Variants in C1orf94 observed in about 807,000 individuals in gnomAD.
The protein encoded by C1orf94 is uncharacterized protein C1orf94.
A neutral mutation model predicts 53.6 loss-of-function variants in C1orf94; 45 were observed. The observed-to-expected ratio is 0.84, with a 90% confidence interval of 0.66 to 1.08. The LOEUF is 1.08. C1orf94 is among the 50% of genes least tolerant of loss of function. C1orf94 has a pLI of 0.00. For synonymous variants in C1orf94, 304 were observed against 296.1 expected, an observed-to-expected ratio of 1.03 and a Z score of -0.27; for missense variants, 762 against 738.9, an observed-to-expected ratio of 1.03 and a Z score of -0.36.
chr1:34,182,399 G>T (rs572263764), intron 1 of C1orf94, among the ~76,000 whole-genome samples: 1 of 152,250 alleles, frequency 6.6e-6, no homozygotes, highest in South Asian at 2.1e-4. Flanking sequence ...GAACACTTTT[G>T]CAGGTTTTTA....
rs1043325617 is a variant in C1orf94, at chr1:34,178,192, T to C, written c.320+83T>C. On this transcript the variant is annotated intron_variant, in intron 1 of 6. Transcript: ENST00000488417. ...CTTCTGGGGGAATGTTCTGGCCCAC[T>C]GTTGAGGCTGGTGAAACCCTAAAGG... 3.6e-6 allele frequency: 5 copies of C among 1,398,840 alleles called. No individual in the cohort carries two copies. In the African/African-American group the frequency reaches 4.3e-5, roughly 12 times the overall value. The allele number at this position is 1,398,840 out of a possible 1,614,324, so 86.7% of individuals were successfully genotyped here.
intron 4 of C1orf94, among the ~76,000 whole-genome samples, chr1:34,205,735 G>A (rs1367875061): frequency 6.6e-6 from 1 of 152,148 alleles, no homozygotes; most frequent in Non-Finnish European, 1.5e-5. Flanking sequence ...GTCTAGCCTG[G>A]TCTTTTCCCT....
Position 34,177,847 on chromosome 1 carries a change from G to C in C1orf94, c.58G>C (p.Glu20Gln). ...ALGGQRGFQK[E>Q]RRRMASGNGL... ...GGGTGGACAGAGGGGCTTCCAGAAA[G>C]AGAGGAGGAGGATGGCCAGCGGGAA... is the stretch of plus-strand genomic sequence containing the variant. The change falls in exon 1 of 7, where the codon GAG (glutamate) becomes CAG (glutamine). Residue 20 changes from glutamate to glutamine, a missense_variant. Physicochemically the swap from Glu to Gln is conservative, Grantham distance 29 (BLOSUM62 2). Coordinates refer to ENST00000488417, the MANE Select transcript of C1orf94 (RefSeq NM_001134734.2). The C allele has an allele frequency of 6.4e-7, 1 of 1,550,698 alleles. No individual in the cohort carries two copies. Among genetic ancestry groups the C allele is most frequent in the Non-Finnish European group, 8.7e-7 (1 of 1,146,252 alleles).
At chr1:34,182,523 T>A (rs1011066773) in intron 1 of C1orf94, among the ~76,000 whole-genome samples, 6 of 152,160 alleles carry the variant, frequency 3.9e-5, no homozygotes, top group African/African-American at 1.4e-4. Flanking sequence ...GGGAAGATAC[T>A]GTCAGAGTCC....
chr1:34,218,620 A>T (rs964432878), intron 6 of C1orf94, 66 bp from the exon 7 acceptor site: 1 of 1,285,374 alleles, frequency 7.8e-7, no homozygotes, highest in Non-Finnish European at 1.1e-6. Flanking sequence ...TAATATATAT[A>T]TTTTTCTAAT....
At chr1:34,194,748 T>C (rs894058677) in intron 1 of C1orf94, among the ~76,000 whole-genome samples, 4 of 152,194 alleles carry the variant, frequency 2.6e-5, no homozygotes, top group East Asian at 1.9e-4. Flanking sequence ...AAGGACTCTT[T>C]GTTGTTGTTA....
rs756712695 is a variant in C1orf94, at chr1:34,218,690, G to A, written c.1726G>A (p.Gly576Ser). 30 of 1,610,968 alleles carry A rather than the reference G, an allele frequency of 1.9e-5. 1 individual carries two copies. In the Admixed American group the frequency reaches 3.7e-4, roughly 20 times the overall value. Residue 576 changes from glycine (G) to serine (S), a missense_variant, in exon 7 of 7, where the codon GGC (glycine) becomes AGC (serine). Coordinates refer to ENST00000488417, the MANE Select transcript of C1orf94 (RefSeq NM_001134734.2). Reference protein sequence around the residue: ...QYLFPQGYGFGSTSGGPLMHS... With the variant: ...QYLFPQGYGFSSTSGGPLMHS... ...TCCACCCTCCCTCTCTTCCAGGTTC[G>A]GCTCGACATCCGGAGGGCCCTTGAT...
chr1:34,172,117 G>T, upstream of C1orf94, among the ~76,000 whole-genome samples: 1 of 152,188 alleles, frequency 6.6e-6, no homozygotes, highest in Non-Finnish European at 1.5e-5. Context: ...TAGCTGAAGG[G>T]TTTCCCATAA....
At chr1:34,169,636 T>C (rs2618776) in intron 1 of C1orf94, among the ~76,000 whole-genome samples, 1,821 of 82,664 alleles carry the variant, frequency 0.022, 70 homozygotes, top group African/African-American at 0.083. Context: ...AGAGAGAGAG[T>C]GAGCAAATGG....
intron 1 of C1orf94, among the ~76,000 whole-genome samples, chr1:34,167,751 A>G (rs990427054): frequency 4.4e-4 from 67 of 151,990 alleles, no homozygotes; most frequent in African/African-American, 1.6e-3. Context: ...GATAATCACC[A>G]TGACTGAAGA....
intron 2 of C1orf94, 105 bp downstream of exon 2, chr1:34,198,018 C>T: frequency 3.4e-6 from 4 of 1,185,304 alleles, no homozygotes; most frequent in Non-Finnish European, 3.5e-6. Context: ...TCATGCAAAG[C>T]AAGACAAAGC....
At chr1:34,208,535 C>T (rs1023493051) in intron 5 of C1orf94, among the ~76,000 whole-genome samples, 2 of 152,118 alleles carry the variant, frequency 1.3e-5, no homozygotes, top group Admixed American at 6.5e-5. Context: ...ATGAGGAAAC[C>T]CAAGCACAGA....
chr1:34,185,680 C>T (rs1342267579), intron 1 of C1orf94, among the ~76,000 whole-genome samples: 1 of 152,220 alleles, frequency 6.6e-6, no homozygotes, highest in East Asian at 1.9e-4. Flanking sequence ...TCCTCTGCCA[C>T]CCTCACCACA....
At chr1:34,209,128 A>G (rs1019816061) in intron 5 of C1orf94, among the ~76,000 whole-genome samples, 2 of 152,198 alleles carry the variant, frequency 1.3e-5, no homozygotes, top group South Asian at 2.1e-4. Flanking sequence ...ATCTGGCAAC[A>G]CTACTTTCAT....
At position 34,178,803 on chromosome 1, in the gene C1orf94, G is replaced by A. The variant is rs111627663; in HGVS notation, c.320+694G>A. 2.0e-3 allele frequency among the ~76,000 whole-genome samples: 298 copies of A among 152,318 alleles called. 2 individuals carry two copies. Among genetic ancestry groups the A allele is most frequent in the African/African-American group, 6.9e-3 (287 of 41,562 alleles). On this transcript the variant is annotated intron_variant, in intron 1 of 6. Coordinates refer to ENST00000488417, the MANE Select transcript of C1orf94 (RefSeq NM_001134734.2). Reference sequence around the variant, plus strand: ...AAGGAAGGAGCAGAGAGGAAAAAGGGAAATTAGGAAAAGAAAGTAAATCTG... The same window carrying A: ...AAGGAAGGAGCAGAGAGGAAAAAGGAAAATTAGGAAAAGAAAGTAAATCTG...
chr1:34,208,035 A>G (rs1234740244), intron 4 of C1orf94, 122 bp from the exon 5 acceptor site: 3 of 934,676 alleles, frequency 3.2e-6, no homozygotes, highest in Non-Finnish European at 4.9e-6. Flanking sequence ...CAGACAGCCC[A>G]TGGGTCTGGT....
At position 34,212,459 on chromosome 1, in the gene C1orf94, G is replaced by A. The variant is rs1185041157; in HGVS notation, c.1721+53G>A. On this transcript the variant is annotated intron_variant, in intron 6 of 6. Coordinates refer to ENST00000488417, the MANE Select transcript of C1orf94 (RefSeq NM_001134734.2). ...GGGTATCCAGAAAGCTGGTGGGAAC[G>A]GGGGCAAGTTGGGTGGGCTTACCAG... 1.2e-5 allele frequency: 19 copies of A among 1,542,208 alleles called. No individual in the cohort carries two copies. In the African/African-American group the frequency reaches 1.2e-4, roughly 10 times the overall value.
At chr1:34,204,987 A>G (rs1642768819) in intron 4 of C1orf94, among the ~76,000 whole-genome samples, 2 of 152,244 alleles carry the variant, frequency 1.3e-5, no homozygotes, top group African/African-American at 4.8e-5. Context: ...CATTTAGTAC[A>G]AGTCGATTCA....
chr1:34,190,205 T>C (rs1001659732), intron 1 of C1orf94, among the ~76,000 whole-genome samples: 3 of 152,190 alleles, frequency 2.0e-5, no homozygotes, highest in Non-Finnish European at 4.4e-5. Flanking sequence ...TCAAAAATAC[T>C]GGTTCAGGCC....
Sources: allele counts gnomAD v4.1 joint callset (sites outside exome capture counted in the v4.1 genomes callset), GRCh38; gene constraint gnomAD v4.1.1; transcripts MANE v1.5; gene names NCBI Gene and HGNC (gene_info 2026-07-23, HGNC 2026-07-21).